RIMS1: variants seen among roughly 807,000 people sequenced by gnomAD.
The protein encoded by RIMS1 is regulating synaptic membrane exocytosis 1.
RIMS1 carries 83 observed loss-of-function variants against 214.1 expected under a neutral mutation model. That is an observed-to-expected ratio of 0.39 (90% CI 0.32 to 0.47). The LOEUF is 0.47. Among genes scored for constraint, RIMS1 ranks in the 20% least tolerant of loss-of-function variants. The pLI, the probability that RIMS1 is intolerant of heterozygous loss-of-function variation, is 0.99. For missense variants in RIMS1, 2,050 were observed against 2,161.8 expected, an observed-to-expected ratio of 0.95 and a Z score of 1.03; for synonymous variants, 793 against 786.8, an observed-to-expected ratio of 1.01 and a Z score of -0.13.
chr6:72,274,777 C>T (rs2085303110), intron 23 of RIMS1, among the ~76,000 whole-genome samples: 1 of 152,064 alleles, frequency 6.6e-6, no homozygotes, highest in African/African-American at 2.4e-5. Context: ...ATATTAAAAT[C>T]TGTCACAGAG....
intron 6 of RIMS1, among the ~76,000 whole-genome samples, chr6:72,220,235 C>T (rs527742677): frequency 6.6e-6 from 1 of 152,264 alleles, no homozygotes; most frequent in South Asian, 2.1e-4. Flanking sequence ...TCATAATACC[C>T]TACTCAGGGT....
At chr6:71,896,640 A>T (rs1165583681) in intron 1 of RIMS1, among the ~76,000 whole-genome samples, 1 of 152,196 alleles carries the variant, frequency 6.6e-6, no homozygotes, top group Non-Finnish European at 1.5e-5. Flanking sequence ...TGACATACGC[A>T]CTTTGGGAAA....
chr6:72,064,476 ACT>A (rs778987925), intron 2 of RIMS1, among the ~76,000 whole-genome samples: 2 of 152,060 alleles, frequency 1.3e-5, no homozygotes, highest in Admixed American at 1.3e-4. Flanking sequence ...ATCCTGTAAC[ACT>A]CTGTCCTCTG....
intron 4 of RIMS1, among the ~76,000 whole-genome samples, chr6:72,109,039 T>C (rs1217454449): frequency 1.3e-5 from 2 of 152,120 alleles, no homozygotes; most frequent in Non-Finnish European, 2.9e-5. Context: ...CTCATCATTT[T>C]TTATGGCTGC....
At chr6:72,232,017 C>G (rs2062163736) in intron 6 of RIMS1, among the ~76,000 whole-genome samples, 1 of 151,556 alleles carries the variant, frequency 6.6e-6, no homozygotes, top group African/African-American at 2.4e-5. Flanking sequence ...ATACAATAAA[C>G]TTTTGTTTTC....
intron 4 of RIMS1, chr6:72,126,718 A>C (rs2463696): frequency 0.99 from 245,083 of 247,254 alleles, 121,500 homozygotes; most frequent in East Asian, 1. Flanking sequence ...AAATTAAAAC[A>C]ACAATGATAT....
chr6:72,101,950 G>T (rs2033691855), intron 4 of RIMS1, among the ~76,000 whole-genome samples: 1 of 151,852 alleles, frequency 6.6e-6, no homozygotes, highest in African/African-American at 2.4e-5. Context: ...GTTGATAAAA[G>T]AAAATTATGT....
chr6:72,225,033 TA>T (rs1184856589), intron 6 of RIMS1, among the ~76,000 whole-genome samples: 4 of 152,176 alleles, frequency 2.6e-5, no homozygotes, highest in Non-Finnish European at 5.9e-5. Context: ...ATTTCCAACT[TA>T]AAAATAAAGT....
chr6:72,159,502 G>C lies in RIMS1; in HGVS notation c.472-20073G>C, dbSNP rs555676197. On this transcript the variant is annotated intron_variant, in intron 4 of 33. Coordinates refer to ENST00000521978, the MANE Select transcript of RIMS1 (RefSeq NM_014989.7). ...TGAATGGTATTGCCTACGTTTTCTT[G>C]TAGGGTTTTTATGGTTCTAGGTCTA... 6.4e-5 allele frequency among the ~76,000 whole-genome samples: 9 copies of C among 140,706 alleles called. 1 individual carries two copies. The highest frequency in any genetic ancestry group is 1.5e-4 in the African/African-American group (6 of 40,610). The allele number at this position is 140,706 out of a possible 152,430, so 92.3% of individuals were successfully genotyped here.
rs1272068479 is a variant in RIMS1 at position 72,182,302 on chromosome 6, T to C, written c.831T>C (p.Leu277=). The C allele has an allele frequency of 4.4e-6, 7 of 1,597,526 alleles. No individual in the cohort carries two copies. Among genetic ancestry groups the C allele is most frequent in the Non-Finnish European group, 6.0e-6 (7 of 1,172,918 alleles). ...ATCATAGAAAGAAGACCCCAGGGCTTTCCGAGCAGAATGGCAAAGGAGCCC... is the reference window on the plus strand; with the variant it reads ...ATCATAGAAAGAAGACCCCAGGGCTCTCCGAGCAGAATGGCAAAGGAGCCC... ...PPRERKKTPG[L]SEQNGKGALK... Residue 277 remains leucine, a synonymous_variant, in exon 6 of 34, where the codon CTT becomes CTC. Transcript: ENST00000521978.
intron 1 of RIMS1, among the ~76,000 whole-genome samples, chr6:71,957,213 G>GA (rs1791548190): frequency 6.6e-6 from 1 of 152,106 alleles, no homozygotes; most frequent in African/African-American, 2.4e-5. Flanking sequence ...ATGGACTGGT[G>GA]AAAAACAGAA....
intron 2 of RIMS1, among the ~76,000 whole-genome samples, chr6:72,014,868 A>C (rs563118597): frequency 2.0e-5 from 3 of 152,330 alleles, no homozygotes; most frequent in Admixed American, 6.5e-5. Flanking sequence ...TTCATGATAT[A>C]TCCTCTTTGG....
intron 2 of RIMS1, among the ~76,000 whole-genome samples, chr6:72,038,090 CAAAAAAAAAAAAAAAA>C (rs869130217): frequency 2.7e-4 from 6 of 22,240 alleles, no homozygotes; most frequent in African/African-American, 8.5e-4. Flanking sequence ...AACAAACAAG[CAAAAAAAAAAAAAAAA>C]AAAAAAAAAA....
At chr6:72,218,037 G>C (rs1213028617) in intron 6 of RIMS1, among the ~76,000 whole-genome samples, 1 of 151,168 alleles carries the variant, frequency 6.6e-6, no homozygotes, top group Non-Finnish European at 1.5e-5. Flanking sequence ...GTAGAAAAAA[G>C]ACACAATTAT....
chr6:72,040,118 T>G (rs1042197885), intron 2 of RIMS1, among the ~76,000 whole-genome samples: 4 of 152,112 alleles, frequency 2.6e-5, no homozygotes, highest in African/African-American at 9.6e-5. Flanking sequence ...GGCTCTATGA[T>G]ACTGGATAGA....
chr6:71,990,422 TAAAC>T (rs1801248207), intron 2 of RIMS1, among the ~76,000 whole-genome samples: 1 of 152,202 alleles, frequency 6.6e-6, no homozygotes, highest in African/African-American at 2.4e-5. Context: ...TTTGTTTCAT[TAAAC>T]AAATTGAATT....
At chr6:71,922,449 T>G (rs984121856) in intron 1 of RIMS1, among the ~76,000 whole-genome samples, 2 of 152,160 alleles carry the variant, frequency 1.3e-5, no homozygotes, top group Non-Finnish European at 2.9e-5. Flanking sequence ...TTGAGGCAGG[T>G]GGATCGATTG....
intron 2 of RIMS1, among the ~76,000 whole-genome samples, chr6:71,997,364 ATAG>A (rs1354231606): frequency 2.0e-5 from 3 of 152,216 alleles, no homozygotes; most frequent in Admixed American, 2.0e-4. Context: ...ATTCCTGGTT[ATAG>A]AAAGCAAGCC....
chr6:72,305,760 A>G (rs2095095480), intron 26 of RIMS1, among the ~76,000 whole-genome samples: 1 of 152,126 alleles, frequency 6.6e-6, no homozygotes, highest in South Asian at 2.1e-4. Context: ...TAATGGTAAT[A>G]ATAGTCACCA....
Sources: allele counts gnomAD v4.1 joint callset (sites outside exome capture counted in the v4.1 genomes callset), GRCh38; gene constraint gnomAD v4.1.1; transcripts MANE v1.5; gene names NCBI Gene and HGNC (gene_info 2026-07-23, HGNC 2026-07-21).